Variants in FABP12 observed in about 807,000 individuals in gnomAD.
FABP12 encodes the protein fatty acid-binding protein 12.
Under a neutral mutation model 13.7 loss-of-function variants are expected in FABP12, and 19 were observed. That is an observed-to-expected ratio of 1.39 (90% CI 0.97 to 2.04). FABP12 has a LOEUF of 2.04. Ranked by LOEUF, FABP12 falls within the 30% of genes most tolerant of loss-of-function variation. FABP12 has a pLI of 0.00. For missense variants in FABP12, 182 were observed against 164.2 expected (o/e 1.11, Z -0.59); for synonymous variants, 61 against 57.0 (o/e 1.07, Z -0.32).
At chr8:81,551,226 A>C (rs1809517444) in intron 1 of FABP12, among the ~76,000 whole-genome samples, 2 of 152,118 alleles carry the variant, frequency 1.3e-5, no homozygotes, top group African/African-American at 4.8e-5. Flanking sequence ...GGTTTGATTT[A>C]ACTGTGTTTT....
At chr8:81,539,460 T>TTTTTTTC (rs1809293436) in intron 2 of FABP12, among the ~76,000 whole-genome samples, 1 of 109,018 alleles carries the variant, frequency 9.2e-6, no homozygotes, top group Non-Finnish European at 2.0e-5. Flanking sequence ...TTTTTTTTTT[T>TTTTTTTC]CTAATCTCTC....
intron 1 of FABP12, among the ~76,000 whole-genome samples, chr8:81,557,541 T>C (rs1036660306): frequency 1.3e-5 from 2 of 152,316 alleles, no homozygotes; most frequent in African/African-American, 4.8e-5. Context: ...ACTCTTCAGA[T>C]GAAAGTTAAT....
chr8:81,583,016 C>T (rs60379592), intron 1 of FABP12, among the ~76,000 whole-genome samples: 1,802 of 152,130 alleles, frequency 0.012, 39 homozygotes, highest in African/African-American at 0.038. Context: ...TCTCAGACCA[C>T]AATGGAATAA....
At chr8:81,544,797 A>C (rs576440903) in intron 1 of FABP12, among the ~76,000 whole-genome samples, 25 of 152,322 alleles carry the variant, frequency 1.6e-4, no homozygotes, top group Middle Eastern at 6.8e-3. Flanking sequence ...TATGTAATCA[A>C]AATAACTGCA....
At chr8:81,549,749 G>A (rs143089568) in intron 1 of FABP12, among the ~76,000 whole-genome samples, 144 of 152,246 alleles carry the variant, frequency 9.5e-4, no homozygotes, top group South Asian at 2.5e-3. Flanking sequence ...TGTTAAATCT[G>A]TACTTTTTGA....
At chr8:81,542,545 C>A (rs185025656) in intron 1 of FABP12, among the ~76,000 whole-genome samples, 20 of 152,268 alleles carry the variant, frequency 1.3e-4, no homozygotes. Flanking sequence ...TTATGGGATT[C>A]CACATCTCTC....
intron 2 of FABP12, among the ~76,000 whole-genome samples, chr8:81,530,556 A>G (rs1210393297): frequency 6.6e-6 from 1 of 152,230 alleles, no homozygotes; most frequent in African/African-American, 2.4e-5. Context: ...AAATACTATA[A>G]TGTAGTTCAT....
chr8:81,579,286 T>A (rs187914222), intron 1 of FABP12, among the ~76,000 whole-genome samples: 1 of 152,140 alleles, frequency 6.6e-6, no homozygotes, highest in African/African-American at 2.4e-5. Context: ...TTAATTTTAC[T>A]GTTTTCAGAT....
intron 1 of FABP12, among the ~76,000 whole-genome samples, chr8:81,568,484 G>T (rs114030130): frequency 0.018 from 2,761 of 152,306 alleles, 82 homozygotes; most frequent in African/African-American, 0.062. Context: ...AATAACAAAT[G>T]CTGGTTAGGA....
Position 81,528,466 on chromosome 8 carries a change from T to C in FABP12, c.246+972A>G, listed in dbSNP as rs537787435. 3.3e-5 allele frequency among the ~76,000 whole-genome samples: 5 copies of C among 152,360 alleles called. No homozygotes were observed. The South Asian group carries it at 8.3e-4, about 25-fold the overall frequency. ...GTCAAAAATTTTCTTCCATTTTATATGGTACAAGAATTTAAACTCTCATAT... is the reference window on the plus strand; with the variant it reads ...GTCAAAAATTTTCTTCCATTTTATACGGTACAAGAATTTAAACTCTCATAT... On this transcript the variant is annotated intron_variant, in intron 3 of 4. Coordinates refer to ENST00000360464, the Ensembl canonical transcript of FABP12.
intron 1 of FABP12, among the ~76,000 whole-genome samples, chr8:81,560,414 C>G (rs1321915012): frequency 6.6e-6 from 1 of 152,210 alleles, no homozygotes; most frequent in South Asian, 2.1e-4. Flanking sequence ...AAATTATAGT[C>G]AAGGCATTTC....
intron 1 of FABP12, among the ~76,000 whole-genome samples, chr8:81,540,777 T>C (rs1026404129): frequency 6.6e-6 from 1 of 152,204 alleles, no homozygotes; most frequent in African/African-American, 2.4e-5. Flanking sequence ...ATATACACGT[T>C]AGATGTTAAC....
chr8:81,586,151 AT>A (rs1460349488), intron 1 of FABP12, among the ~76,000 whole-genome samples: 3 of 152,126 alleles, frequency 2.0e-5, no homozygotes, highest in African/African-American at 7.2e-5. Context: ...AGCTCTATTC[AT>A]TTTGCTGCAA....
intron 2 of FABP12, among the ~76,000 whole-genome samples, chr8:81,530,850 T>TGCTGGCAC (rs1809054310): frequency 6.6e-6 from 1 of 152,202 alleles, no homozygotes; most frequent in Non-Finnish European, 1.5e-5. Flanking sequence ...TTTGGAGCAT[T>TGCTGGCAC]GCTGGCACAC....
chr8:81,582,118 A>ATTTTTTTTTT (rs34960860), intron 1 of FABP12, among the ~76,000 whole-genome samples: 7 of 96,786 alleles, frequency 7.2e-5, no homozygotes, highest in East Asian at 3.5e-4. Flanking sequence ...GCTAACTGGA[A>ATTTTTTTTTT]TTTTTTTTTT....
At chr8:81,534,317 T>A (rs1350206239), upstream of FABP12, among the ~76,000 whole-genome samples, 1 of 152,186 alleles carries the variant, frequency 6.6e-6, no homozygotes, top group African/African-American at 2.4e-5. Context: ...GTATATGGGC[T>A]GCAGCACATG....
intron 1 of FABP12, among the ~76,000 whole-genome samples, chr8:81,554,067 T>C (rs907487590): frequency 2.6e-5 from 4 of 152,156 alleles, no homozygotes; most frequent in African/African-American, 4.8e-5. Flanking sequence ...CCACACAGTG[T>C]ATCAAAATTA....
chr8:81,577,458 C>A (rs1030396743), intron 1 of FABP12, among the ~76,000 whole-genome samples: 5 of 152,108 alleles, frequency 3.3e-5, no homozygotes, highest in African/African-American at 1.2e-4. Context: ...TATGTATCTT[C>A]TTTTAGAAGT....
intron 3 of FABP12, among the ~76,000 whole-genome samples, chr8:81,528,897 C>G (rs1563541994): frequency 6.6e-6 from 1 of 152,060 alleles, no homozygotes; most frequent in Non-Finnish European, 1.5e-5. Context: ...GCATGGATCC[C>G]TGAGAGATTA....
Sources: gnomAD v4.1 joint callset for allele counts (sites outside exome capture counted in the v4.1 genomes callset) on GRCh38, gnomAD v4.1.1 for gene constraint, MANE v1.5 for transcripts, NCBI Gene and HGNC (gene_info 2026-07-23, HGNC 2026-07-21) for gene names.